IMMT: variants seen among roughly 807,000 people sequenced by gnomAD.
The protein encoded by IMMT is inner membrane mitochondrial protein.
IMMT carries 40 observed loss-of-function variants against 92.7 expected under a neutral mutation model. The ratio of observed to expected loss-of-function variants is 0.43; its 90% CI spans 0.34 to 0.56. The LOEUF (loss-of-function observed/expected upper bound fraction) is 0.56. Among genes scored for constraint, IMMT ranks in the 20% least tolerant of loss-of-function variants. IMMT has a pLI of 0.03. For synonymous variants in IMMT, 322 were observed against 336.1 expected, an observed-to-expected ratio of 0.96 and a Z score of 0.46; for missense variants, 831 against 912.1, an observed-to-expected ratio of 0.91 and a Z score of 1.14.
intron 11 of IMMT, among the ~76,000 whole-genome samples, chr2:86,152,968 C>T (rs1164383260): frequency 6.6e-6 from 1 of 151,988 alleles, no homozygotes; most frequent in Non-Finnish European, 1.5e-5. Flanking sequence ...TATGGGTTAT[C>T]GATTCAAATA....
In IMMT at chr2:86,162,029, C is replaced by A; in HGVS notation, c.843G>T (p.Leu281Phe). Residue 281 changes from leucine (L) to phenylalanine (F), a missense_variant, in exon 8 of 15, where the codon TTG (leucine) becomes TTT (phenylalanine). By Grantham distance (22) the Leu-to-Phe change is conservative. Transcript: ENST00000410111. Reference sequence around the variant, plus strand: ...CATCTACTGCCTTTCTGCGTTCCTTCAATGCACCCTCCACTGTGCGCCACT... The same window carrying A: ...CATCTACTGCCTTTCTGCGTTCCTTAAATGCACCCTCCACTGTGCGCCACT... ...SAQWRTVEGALKERRKAVDEA... is the reference protein window; with the variant it reads ...SAQWRTVEGAFKERRKAVDEA... 6.2e-7 allele frequency: 1 copy of A among 1,608,144 alleles called. No individual in the cohort carries two copies. Among genetic ancestry groups the A allele is most frequent in the Admixed American group, 1.7e-5 (1 of 59,434 alleles).
Position 86,147,763 on chromosome 2 carries a change from G to A in IMMT, c.1472C>T (p.Thr491Ile). ...TQLRRQAAAH[T>I]DHLRDVLRVQ... The stretch of plus-strand genomic sequence containing the variant: ...CCTAAGGACATCTCGCAAGTGATCA[G>A]TGTGGGCAGCTGCCTGTCGGCGAAG... Residue 491 changes from threonine to isoleucine, a missense_variant, in exon 13 of 15, where the codon ACT becomes ATT. Transcript: ENST00000410111. 1.2e-6 allele frequency: 2 copies of A among 1,613,956 alleles called. No individual in the cohort carries two copies. The highest frequency in any genetic ancestry group is 1.7e-6 in the Non-Finnish European group (2 of 1,179,826).
At chr2:86,188,386 TACACGCACACACGCGCACACAC>T (rs1056770750) in intron 1 of IMMT, among the ~76,000 whole-genome samples, 7 of 152,028 alleles carry the variant, frequency 4.6e-5, no homozygotes, top group African/African-American at 7.2e-5. Context: ...TGCATACACA[TACACGCACACACGCGCACACAC>T]ACACGCACAC....
chr2:86,173,300 G>A (rs968311273), intron 4 of IMMT, among the ~76,000 whole-genome samples: 1 of 152,140 alleles, frequency 6.6e-6, no homozygotes, highest in Non-Finnish European at 1.5e-5. Flanking sequence ...TGGTGAAGAG[G>A]CCGGGCATGG....
Position 86,181,331 on chromosome 2 carries a change from T to C in IMMT, c.87A>G (p.Pro29=). Residue 29 remains proline (P), a synonymous_variant, in exon 2 of 15, where the codon CCA becomes CCG. Transcript: ENST00000410111. The part of the protein sequence containing the change: ...CGKFVLRPLR[P]CRRYSTSGSS... ...TGCCTGAAGTAGAGTATCTGCGGCATGGTCGCAATGGACGGAGGACAAACT... is the reference window on the plus strand; with the variant it reads ...TGCCTGAAGTAGAGTATCTGCGGCACGGTCGCAATGGACGGAGGACAAACT... 6.2e-7 allele frequency: 1 copy of C among 1,613,868 alleles called. No homozygotes were observed.
intron 3 of IMMT, among the ~76,000 whole-genome samples, chr2:86,178,112 G>A (rs889861162): frequency 2.0e-5 from 3 of 150,716 alleles, no homozygotes; most frequent in African/African-American, 4.9e-5. Context: ...TCAGGAGATC[G>A]AGATCATCCT....
At chr2:86,194,973 T>C (rs1673429926) in intron 1 of IMMT, 1 of 259,246 alleles carries the variant, frequency 3.9e-6, no homozygotes, top group South Asian at 1.6e-4. Context: ...TGACGGGAAC[T>C]GTAGTTCTCG....
intron 3 of IMMT, among the ~76,000 whole-genome samples, chr2:86,178,412 G>T (rs1677593835): frequency 6.6e-6 from 1 of 151,730 alleles, no homozygotes; most frequent in Non-Finnish European, 1.5e-5. Flanking sequence ...CGGACCACAG[G>T]TCAGGAGTTC....
chr2:86,147,064 A>G (rs1447660866), intron 13 of IMMT, among the ~76,000 whole-genome samples: 1 of 152,244 alleles, frequency 6.6e-6, no homozygotes, highest in Non-Finnish European at 1.5e-5. Context: ...CTCAGCCACA[A>G]ATTGTCAGCT....
chr2:86,179,432 C>G lies in IMMT; in HGVS notation c.309+1G>C, dbSNP rs748777956. Reference sequence around the variant, plus strand: ...ACTGAAATATTGTTTAAAACTCTTACCGATTTCTTTGGCAATGGAACATTA... The same window carrying G: ...ACTGAAATATTGTTTAAAACTCTTAGCGATTTCTTTGGCAATGGAACATTA... On this transcript the variant is annotated splice_donor_variant, in intron 3 of 14. Coordinates refer to ENST00000410111, the MANE Select transcript of IMMT (RefSeq NM_006839.3). LOFTEE classifies it high-confidence loss of function. 1.3e-6 allele frequency: 2 copies of G among 1,577,376 alleles called. No homozygotes were observed. Among genetic ancestry groups the G allele is most frequent in the East Asian group, 2.3e-5 (1 of 44,254 alleles).
chr2:86,177,312 A>T (rs13402568), intron 3 of IMMT, among the ~76,000 whole-genome samples: 6,358 of 151,908 alleles, frequency 0.042, 472 homozygotes, highest in African/African-American at 0.15. Context: ...GAGTTTAAAA[A>T]TTTTTTTAGG....
intron 1 of IMMT, among the ~76,000 whole-genome samples, chr2:86,191,832 A>G (rs11884038): frequency 0.46 from 69,500 of 150,852 alleles, 16,533 homozygotes; most frequent in Non-Finnish European, 0.51. Flanking sequence ...GGAGAATGGC[A>G]TGAACCCGGG....
At chr2:86,187,167 C>A (rs1377596983) in intron 1 of IMMT, among the ~76,000 whole-genome samples, 1 of 152,176 alleles carries the variant, frequency 6.6e-6, no homozygotes, top group East Asian at 1.9e-4. Context: ...ACATTTTCAT[C>A]ACCCTAAAAG....
intron 7 of IMMT, among the ~76,000 whole-genome samples, chr2:86,166,053 C>T (rs1463538232): frequency 6.6e-6 from 1 of 152,150 alleles, no homozygotes; most frequent in Non-Finnish European, 1.5e-5. Context: ...ACTCTAAGGC[C>T]AAGCACAGTG....
At chr2:86,146,705 T>C (rs1470334090) in intron 13 of IMMT, among the ~76,000 whole-genome samples, 2 of 152,090 alleles carry the variant, frequency 1.3e-5, no homozygotes, top group South Asian at 2.1e-4. Flanking sequence ...GAACCTAATA[T>C]TAGAGGAGGC....
At chr2:86,154,379 C>G (rs1326945635) in intron 10 of IMMT, among the ~76,000 whole-genome samples, 1 of 152,008 alleles carries the variant, frequency 6.6e-6, no homozygotes, top group Non-Finnish European at 1.5e-5. Context: ...CTATGTTGGC[C>G]AGGCTGGTCT....
intron 6 of IMMT, among the ~76,000 whole-genome samples, chr2:86,170,398 GAC>G (rs1371237387): frequency 1.3e-5 from 2 of 152,176 alleles, no homozygotes; most frequent in Non-Finnish European, 2.9e-5. Context: ...CAGTCTGGGT[GAC>G]AGAAAAGAGC....
rs1032318520 is a variant in IMMT at position 86,144,203 on chromosome 2, C to T, written c.*65G>A. 20 of 1,573,408 alleles carry T rather than the reference C, an allele frequency of 1.3e-5. No individual in the cohort carries two copies. In the African/African-American group the frequency reaches 2.0e-4, roughly 16 times the overall value. ...CAAGTCCGGGACTCTCGCTGCGAAC[C>T]CTTCATCTATCACTGCTGATTTCCT... On this transcript the variant is annotated 3_prime_UTR_variant, in exon 15 of 15. Coordinates refer to ENST00000410111, the MANE Select transcript of IMMT (RefSeq NM_006839.3).
chr2:86,188,449 C>T (rs189935601), intron 1 of IMMT, among the ~76,000 whole-genome samples: 30 of 152,112 alleles, frequency 2.0e-4, no homozygotes, highest in Non-Finnish European at 4.0e-4. Context: ...GTGGAGACAG[C>T]ATCTCACTCT....
Sources: allele counts gnomAD v4.1 joint callset (sites outside exome capture counted in the v4.1 genomes callset), GRCh38; gene constraint gnomAD v4.1.1; transcripts MANE v1.5; gene names NCBI Gene and HGNC (gene_info 2026-07-23, HGNC 2026-07-21).